The following TLK2 variants were observed in gnomAD, a reference collection of about 807,000 sequenced individuals.
TLK2 encodes tousled like kinase 2.
In TLK2, 6 loss-of-function variants were observed where a neutral mutation model predicts 117.3. The observed-to-expected ratio is 0.05, with a 90% CI of 0.03 to 0.10. The LOEUF (loss-of-function observed/expected upper bound fraction) is 0.10. Among genes scored for constraint, TLK2 ranks in the 10% least tolerant of loss-of-function variants. The probability of loss-of-function intolerance (pLI) is 1.00; values close to 1 mark genes in which losing one functional copy is unlikely to be tolerated. For missense variants in TLK2, 299 were observed against 901.2 expected (o/e 0.33, Z 8.56); for synonymous variants, 257 against 316.7 (o/e 0.81, Z 2.00).
chr17:62,499,339 C>CA lies in TLK2; in HGVS notation c.81+18143dup, dbSNP rs965873380. On this transcript the variant is annotated intron_variant, in intron 2 of 21. Transcript: ENST00000346027. ...ACAGAGTAAGACTCCGTCTCACAAA[C>CA]AAAAAAAAAAGGACGGTGTTTTGCC... Among the ~76,000 whole-genome samples, 408 of 141,898 alleles carry CA rather than the reference C, an allele frequency of 2.9e-3. 2 individuals carry two copies. Among genetic ancestry groups the CA allele is most frequent in the African/African-American group, 9.6e-3 (374 of 38,800 alleles). 93.1% of individuals were successfully genotyped at this position (141,898 alleles called of 152,430 possible).
At chr17:62,583,432 T>C (rs1026591163) in intron 15 of TLK2, among the ~76,000 whole-genome samples, 3 of 152,086 alleles carry the variant, frequency 2.0e-5, no homozygotes, top group Admixed American at 2.0e-4. Flanking sequence ...CAGTTATCTC[T>C]GTGAGACTCT....
chr17:62,504,963 C>T (rs765511946), intron 2 of TLK2, among the ~76,000 whole-genome samples: 3 of 152,072 alleles, frequency 2.0e-5, no homozygotes, highest in Non-Finnish European at 4.4e-5. Context: ...TCTTCCTTAA[C>T]CACCTGAATA....
upstream of TLK2, among the ~76,000 whole-genome samples, chr17:62,475,027 T>C (rs535761743): frequency 1.1e-4 from 16 of 152,258 alleles, no homozygotes; most frequent in African/African-American, 2.4e-4. Flanking sequence ...TCCTGGGCGA[T>C]AGAGCCAAAC....
At chr17:62,477,495 G>A (rs2071089409), upstream of TLK2, 1 of 152,218 alleles carries the variant, frequency 6.6e-6, no homozygotes, top group African/African-American at 2.4e-5. Flanking sequence ...CGTTTCGGCA[G>A]GTCTGTGTTC....
intron 6 of TLK2, among the ~76,000 whole-genome samples, chr17:62,535,244 A>C (rs944484110): frequency 1.3e-5 from 2 of 152,136 alleles, no homozygotes; most frequent in Non-Finnish European, 2.9e-5. Context: ...GGTATCCAAC[A>C]GGAAGAATCT....
intron 7 of TLK2, among the ~76,000 whole-genome samples, chr17:62,548,240 A>ATATATATGTGTG (rs368516607): frequency 8.2e-5 from 10 of 121,292 alleles, no homozygotes; most frequent in Middle Eastern, 4.7e-3. Context: ...ATATATATAT[A>ATATATATGTGTG]TGTGTGTGTG....
chr17:62,482,455 T>TG (rs1330480329), intron 2 of TLK2, among the ~76,000 whole-genome samples: 1 of 147,622 alleles, frequency 6.8e-6, no homozygotes, highest in Non-Finnish European at 1.5e-5. Flanking sequence ...AGGGTTTTGT[T>TG]TTTTTTTTTT....
chr17:62,555,463 G>T (rs1331237186), intron 9 of TLK2, among the ~76,000 whole-genome samples: 1 of 151,272 alleles, frequency 6.6e-6, no homozygotes, highest in Non-Finnish European at 1.5e-5. Context: ...GTAAAGTCTG[G>T]TGTGTTTATA....
chr17:62,574,425 C>A, intron 12 of TLK2: 1 of 1,090,726 alleles, frequency 9.2e-7, no homozygotes, highest in Non-Finnish European at 1.4e-6. Context: ...GATGAACAGA[C>A]GAATAAACTA....
In TLK2 at chr17:62,490,540, T is replaced by G. The variant is rs571750407; in HGVS notation, c.81+9334T>G. 2.6e-5 allele frequency among the ~76,000 whole-genome samples: 4 copies of G among 152,208 alleles called. No homozygotes were observed. The East Asian group carries it at 5.8e-4, about 22-fold the overall frequency. On this transcript the variant is annotated intron_variant, in intron 2 of 21. Coordinates refer to ENST00000346027, the MANE Select transcript of TLK2 (RefSeq NM_006852.6). The stretch of plus-strand genomic sequence containing the variant: ...AATTATAGCTTAATTTCATAGATTT[T>G]TCTTTTTCTTTTTCTTTTTTGAGAT...
intron 15 of TLK2, among the ~76,000 whole-genome samples, chr17:62,580,701 G>A (rs2081150683): frequency 6.6e-6 from 1 of 152,196 alleles, no homozygotes; most frequent in Non-Finnish European, 1.5e-5. Context: ...AGGCTGCTGA[G>A]CTTCCAGGTT....
intron 15 of TLK2, 66 bp from the exon 16 acceptor site, chr17:62,586,069 G>T (rs1449806578): frequency 5.8e-6 from 7 of 1,201,692 alleles, no homozygotes; most frequent in South Asian, 5.5e-5. Flanking sequence ...TTAAATTAAA[G>T]CTTCACATCA....
intron 14 of TLK2, among the ~76,000 whole-genome samples, chr17:62,579,561 A>G (rs2146753714): frequency 6.6e-6 from 1 of 152,322 alleles, no homozygotes; most frequent in East Asian, 1.9e-4. Context: ...AGAACTTGTC[A>G]TTTCTTTATC....
chr17:62,486,803 A>T (rs2072446405), intron 2 of TLK2, among the ~76,000 whole-genome samples: 1 of 152,252 alleles, frequency 6.6e-6, no homozygotes, highest in African/African-American at 2.4e-5. Flanking sequence ...TAACAGGGAT[A>T]ATGGTTAACA....
chr17:62,587,002 C>T lies in TLK2; in HGVS notation c.1460+776C>T, dbSNP rs1189525866. The stretch of plus-strand genomic sequence containing the variant: ...CTGTGCTATGTTCTCCTCCCGGTCA[C>T]AGTTTGCCCATCTCAAAGTTCTTGG... On this transcript the variant is annotated intron_variant, in intron 16 of 21. Transcript: ENST00000346027. Among the ~76,000 whole-genome samples, 5 of 151,868 alleles carry T rather than the reference C, an allele frequency of 3.3e-5. No homozygotes were observed. The South Asian group carries it at 1.1e-3, about 32-fold the overall frequency.
chr17:62,578,403 A>T (rs945987932), intron 13 of TLK2, 74 bp from the exon 14 acceptor site: 18 of 1,159,890 alleles, frequency 1.6e-5, no homozygotes, highest in Non-Finnish European at 1.3e-6. Flanking sequence ...AATGTCTGCT[A>T]TTGTTTTTGA....
At chr17:62,501,790 C>G (rs955499705) in intron 2 of TLK2, among the ~76,000 whole-genome samples, 1 of 151,902 alleles carries the variant, frequency 6.6e-6, no homozygotes, top group Non-Finnish European at 1.5e-5. Flanking sequence ...CGAGACTCAT[C>G]TCTACAAAAA....
chr17:62,586,884 G>A (rs998643827), intron 16 of TLK2, among the ~76,000 whole-genome samples: 2 of 151,794 alleles, frequency 1.3e-5, no homozygotes, highest in African/African-American at 4.8e-5. Flanking sequence ...AGCTGCTGGT[G>A]GGCTGTTTCT....
rs183221559 is a variant in TLK2, at chr17:62,610,998, A to G, written c.2080-1394A>G. Among the ~76,000 whole-genome samples, 483 of 152,198 alleles carry G rather than the reference A, an allele frequency of 3.2e-3. 6 individuals are homozygous for G. The highest frequency in any genetic ancestry group is 3.9e-3 in the Non-Finnish European group (268 of 68,000). On this transcript the variant is annotated intron_variant, in intron 21 of 21. Coordinates refer to ENST00000346027, the MANE Select transcript of TLK2 (RefSeq NM_006852.6). ...TACAAAATATTTTAAAAGTAGCTAG[A>G]TGTGGTGGGGCACGCCTTTGGTCCT...
Sources: gnomAD v4.1 joint callset for allele counts (sites outside exome capture counted in the v4.1 genomes callset) on GRCh38, gnomAD v4.1.1 for gene constraint, MANE v1.5 for transcripts, NCBI Gene and HGNC (gene_info 2026-07-23, HGNC 2026-07-21) for gene names.